PRKCG: variants seen among roughly 807,000 people sequenced by gnomAD.
PRKCG encodes the protein protein kinase C gamma type.
A neutral mutation model predicts 82.0 loss-of-function variants in PRKCG; 28 were observed. The ratio of observed to expected loss-of-function variants is 0.34; its 90% CI spans 0.25 to 0.47. PRKCG has a LOEUF of 0.47. Among genes scored for constraint, PRKCG ranks in the 20% least tolerant of loss-of-function variants. The pLI is 1.00. For missense variants in PRKCG, 640 were observed against 952.7 expected, an observed-to-expected ratio of 0.67 and a Z score of 4.32; for synonymous variants, 383 against 376.6, an observed-to-expected ratio of 1.02 and a Z score of -0.20.
At chr19:53,899,656 G>T (rs1315351343) in intron 11 of PRKCG, among the ~76,000 whole-genome samples, 6 of 151,586 alleles carry the variant, frequency 4.0e-5, no homozygotes, top group Non-Finnish European at 5.9e-5. Flanking sequence ...GCGCGATCTC[G>T]GCTCACTGCA....
chr19:53,906,930 C>T lies in PRKCG; in HGVS notation c.*35C>T, dbSNP rs374671239. On this transcript the variant is annotated 3_prime_UTR_variant, in exon 18 of 18. Coordinates refer to ENST00000263431, the MANE Select transcript of PRKCG (RefSeq NM_002739.5). ...CCGCCACTAGGTGTCCCCAACGTCC[C>T]CTCCGCCGTGCCGGCGGCAGCCCCA... 13 of 1,612,828 alleles carry T rather than the reference C, an allele frequency of 8.1e-6. No individual in the cohort carries two copies. In the Admixed American group the frequency reaches 1.7e-4, roughly 21 times the overall value.
Position 53,892,788 on chromosome 19 carries a change from A to ATG in PRKCG, c.821+145_821+146insTG. On this transcript the variant is annotated intron_variant, in intron 7 of 17. Transcript: ENST00000263431. The surrounding 1 kb of genome is among the most constrained non-coding windows in gnomAD (Gnocchi z 5.9). ...CACACACACACACACACACGCACAC[A>ATG]CACGCACACACCCCTCTCTCTCTAT... 1.4e-6 allele frequency: 1 copy of ATG among 697,390 alleles called. No individual in the cohort carries two copies. The highest frequency in any genetic ancestry group is 1.9e-6 in the Non-Finnish European group (1 of 533,466). 43.2% of individuals were successfully genotyped at this position (697,390 alleles called of 1,614,324 possible).
In PRKCG at chr19:53,898,690, G is replaced by A. The variant is rs568285676; in HGVS notation, c.1281+62G>A. 6.0e-6 allele frequency: 9 copies of A among 1,509,974 alleles called. 1 individual carries two copies. Among genetic ancestry groups the A allele is most frequent in the African/African-American group, 5.6e-5 (4 of 71,544 alleles). 93.5% of individuals were successfully genotyped at this position (1,509,974 alleles called of 1,614,324 possible). On this transcript the variant is annotated intron_variant, in intron 11 of 17. Transcript: ENST00000263431. ...CTGCCTTATCCAGTTCTGGACATCT[G>A]CGTTGGGATTCTGAGTTTAGGGCGA...
upstream of PRKCG, chr19:53,881,882 A>G: frequency 6.0e-6 from 1 of 165,306 alleles, no homozygotes; most frequent in Non-Finnish European, 1.3e-5. Flanking sequence ...CTGGACCCCT[A>G]GCGTGGAGCA....
rs180909777 is a variant in PRKCG at position 53,905,893 on chromosome 19, A to G, written c.1765-424A>G. The stretch of plus-strand genomic sequence containing the variant: ...ATGAATTTCATCTGCTATCATTTTC[A>G]TGTATCCTCTCCTTCTTCCTGTCTC... On this transcript the variant is annotated intron_variant, in intron 16 of 17. Transcript: ENST00000263431. 1.4e-3 allele frequency among the ~76,000 whole-genome samples: 197 copies of G among 136,340 alleles called. 1 individual carries two copies. Among genetic ancestry groups the G allele is most frequent in the African/African-American group, 5.0e-3 (176 of 35,292 alleles). The allele number at this position is 136,340 out of a possible 152,430, so 89.4% of individuals were successfully genotyped here. A position where few individuals can be genotyped will look rare whatever the true frequency, so the allele number is the denominator to read the frequency against.
chr19:53,905,403 C>T (rs2068794902), intron 16 of PRKCG, among the ~76,000 whole-genome samples: 1 of 150,372 alleles, frequency 6.7e-6, no homozygotes, highest in African/African-American at 2.5e-5. Context: ...TACATCTCAC[C>T]CTCCTCTCCT....
Position 53,900,827 on chromosome 19 carries a change from G to T in PRKCG, c.1575+78G>T. 6.2e-7 allele frequency: 1 copy of T among 1,603,590 alleles called. No homozygotes were observed. Among genetic ancestry groups the T allele is most frequent in the Non-Finnish European group, 8.5e-7 (1 of 1,174,624 alleles). On this transcript the variant is annotated intron_variant, in intron 14 of 17. Transcript: ENST00000263431. This position sits in a 1 kb window ranked among gnomAD's most constrained non-coding sequence, Gnocchi z 4.2. ...AGCTGATGGTCCAGTATTCACCACG[G>T]GTGAGGCCTGACCCTCAGACCTTGT...
At chr19:53,898,833 C>G (rs1599950267) in intron 11 of PRKCG, among the ~76,000 whole-genome samples, 2 of 16,232 alleles carry the variant, frequency 1.2e-4, no homozygotes, top group African/African-American at 2.8e-4. Flanking sequence ...CATCGGGGGG[C>G]GTGGCCAGGC....
In PRKCG at chr19:53,893,408, C is replaced by A. The variant is rs369648720; in HGVS notation, c.939+17C>A. ...TTGTATGAGGTGAGTAGAACCAGGG[C>A]GTTGAATGGAGGCAGTTTTTGCCTA... On this transcript the variant is annotated intron_variant, in intron 9 of 17. Coordinates refer to ENST00000263431, the MANE Select transcript of PRKCG (RefSeq NM_002739.5). 2 of 1,611,736 alleles carry A rather than the reference C, an allele frequency of 1.2e-6. No homozygotes were observed. The highest frequency in any genetic ancestry group is 2.7e-5 in the African/African-American group (2 of 74,980).
chr19:53,885,462 C>T (rs1012039900), intron 3 of PRKCG, among the ~76,000 whole-genome samples: 3 of 152,220 alleles, frequency 2.0e-5, no homozygotes, highest in South Asian at 2.1e-4. Flanking sequence ...GAACTCCTGA[C>T]CTTGTGATCC....
intron 3 of PRKCG, among the ~76,000 whole-genome samples, chr19:53,888,200 G>A (rs2068646240): frequency 6.6e-6 from 1 of 152,090 alleles, no homozygotes. Context: ...TAGAAGCCCA[G>A]CACATTGAAA....
chr19:53,903,406 A>T (rs976546438), intron 15 of PRKCG, among the ~76,000 whole-genome samples: 11 of 152,210 alleles, frequency 7.2e-5, no homozygotes, highest in African/African-American at 1.7e-4. Context: ...TTCTCAGAAG[A>T]ATGTTTTTCA....
In PRKCG at chr19:53,889,968, C is replaced by T. The variant is rs767952392; in HGVS notation, c.480C>T (p.Arg160=). The T allele has an allele frequency of 1.3e-6, 2 of 1,574,998 alleles. No homozygotes were observed. The highest frequency in any genetic ancestry group is 1.3e-5 in the African/African-American group (1 of 74,080). ...TGGACCACACCGAGCGCCGCGGGCGCCTGCAGCTGGAGATCCGGGCTCCCA... is the reference window on the plus strand; with the variant it reads ...TGGACCACACCGAGCGCCGCGGGCGTCTGCAGCTGGAGATCCGGGCTCCCA... ...CGVDHTERRG[R]LQLEIRAPTA... is the part of the protein sequence containing the mutation. The change falls in exon 5 of 18, where the codon CGC becomes CGT. Residue 160 remains arginine, a synonymous_variant. Coordinates refer to ENST00000263431, the MANE Select transcript of PRKCG (RefSeq NM_002739.5). The surrounding 1 kb of genome is among the most constrained non-coding windows in gnomAD (Gnocchi z 4.4).
At chr19:53,905,627 G>T (rs1243621902) in intron 16 of PRKCG, among the ~76,000 whole-genome samples, 1 of 149,620 alleles carries the variant, frequency 6.7e-6, no homozygotes, top group Admixed American at 6.7e-5. Context: ...CCTTTTCTCT[G>T]GGTCTGCAAC....
rs1328052321 is a variant in PRKCG, at chr19:53,907,027, C to T, written c.*132C>T. On this transcript the variant is annotated 3_prime_UTR_variant, in exon 18 of 18. Coordinates refer to ENST00000263431, the MANE Select transcript of PRKCG (RefSeq NM_002739.5). ...CCCCAGCATTCCAGCTCTGCCCCCG[C>T]GGGTTCTAGACGCCCCTCCCAAGCG... is the stretch of plus-strand genomic sequence containing the variant. 12 of 1,537,262 alleles carry T rather than the reference C, an allele frequency of 7.8e-6. No homozygotes were observed. The African/African-American group carries it at 1.1e-4, about 14-fold the overall frequency.
At chr19:53,887,779 G>A (rs554445508) in intron 3 of PRKCG, among the ~76,000 whole-genome samples, 2 of 144,020 alleles carry the variant, frequency 1.4e-5, no homozygotes, top group East Asian at 2.1e-4. Context: ...GCAGTGAGCC[G>A]AGATCACACC....
chr19:53,892,782 G>C lies in PRKCG; in HGVS notation c.821+139G>C, dbSNP rs41275812. ...CACACACACACACACACACACACAC[G>C]CACACACACGCACACACCCCTCTCT... On this transcript the variant is annotated intron_variant, in intron 7 of 17. Coordinates refer to ENST00000263431, the MANE Select transcript of PRKCG (RefSeq NM_002739.5). The surrounding 1 kb of genome is among the most constrained non-coding windows in gnomAD (Gnocchi z 5.9). 1 of 785,746 alleles carries C rather than the reference G, an allele frequency of 1.3e-6. No homozygotes were observed. 48.7% of individuals were successfully genotyped at this position (785,746 alleles called of 1,614,324 possible).
At chr19:53,893,483 A>G in intron 9 of PRKCG, 92 bp downstream of exon 9, 1 of 1,339,404 alleles carries the variant, frequency 7.5e-7, no homozygotes, top group East Asian at 2.3e-5. Flanking sequence ...AATTCCCCAC[A>G]CATGAGTTGA....
At position 53,900,427 on chromosome 19, in the gene PRKCG, C is replaced by G; in HGVS notation, c.1382C>G (p.Ala461Gly). Reference protein sequence around the residue: ...KFKEPHAAFYAAEIAIGLFFL... With the variant: ...KFKEPHAAFYGAEIAIGLFFL... ...CCCACCCCGTCCTCCAGGTTCTACG[C>G]GGCAGAAATCGCTATCGGCCTCTTC... is the stretch of plus-strand genomic sequence containing the variant. Residue 461 changes from alanine to glycine, a missense_variant, in exon 13 of 18, where the codon GCG (alanine) becomes GGG (glycine). This residue lies in a region of PRKCG where 78 missense variants were observed against 105.6 expected (regional missense o/e 0.74). Coordinates refer to ENST00000263431, the MANE Select transcript of PRKCG (RefSeq NM_002739.5). The surrounding 1 kb of genome is among the most constrained non-coding windows in gnomAD (Gnocchi z 4.2). 1.9e-6 allele frequency: 3 copies of G among 1,614,132 alleles called. No individual in the cohort carries two copies. Among genetic ancestry groups the G allele is most frequent in the Non-Finnish European group, 2.5e-6 (3 of 1,180,026 alleles).
Sources: allele counts gnomAD v4.1 joint callset (sites outside exome capture counted in the v4.1 genomes callset), GRCh38; gene constraint gnomAD v4.1.1; regional missense constraint gnomAD v4.1.1; non-coding constraint Gnocchi (gnomAD v3.1); transcripts MANE v1.5; gene names NCBI Gene and HGNC (gene_info 2026-07-23, HGNC 2026-07-21).